Variants in AFDN observed in about 807,000 individuals in gnomAD.
The protein encoded by AFDN is afadin.
AFDN carries 68 observed loss-of-function variants against 216.6 expected under a neutral mutation model. That is an observed-to-expected ratio of 0.31 (90% CI 0.26 to 0.38). The LOEUF (loss-of-function observed/expected upper bound fraction) is 0.38. Ranked by LOEUF, AFDN falls within the 10% of genes least tolerant of loss-of-function variation. The pLI, the probability that AFDN is intolerant of heterozygous loss-of-function variation, is 1.00. For synonymous variants in AFDN, 868 were observed against 853.7 expected, an observed-to-expected ratio of 1.02 and a Z score of -0.29; for missense variants, 2,136 against 2,342.0, an observed-to-expected ratio of 0.91 and a Z score of 1.82.
At chr6:167,946,408 AT>A (rs1210722579) in intron 26 of AFDN, among the ~76,000 whole-genome samples, 1 of 152,036 alleles carries the variant, frequency 6.6e-6, no homozygotes, top group Non-Finnish European at 1.5e-5. Context: ...ATATATCTTT[AT>A]TGATTTTTTT....
At chr6:167,968,661 A>G (rs1418336997) in intron 32 of AFDN, 4 of 166,396 alleles carry the variant, frequency 2.4e-5, no homozygotes, top group South Asian at 1.6e-4. Flanking sequence ...GATTTTAACA[A>G]TATAACATTG....
intron 6 of AFDN, among the ~76,000 whole-genome samples, chr6:167,880,914 C>T (rs574256421): frequency 1.4e-3 from 217 of 152,112 alleles, no homozygotes; most frequent in African/African-American, 4.8e-3. Flanking sequence ...CAATTTTGTT[C>T]ATGATTTTAA....
chr6:167,958,056 A>G (rs1158720166), intron 30 of AFDN, among the ~76,000 whole-genome samples: 2 of 152,064 alleles, frequency 1.3e-5, no homozygotes, highest in Non-Finnish European at 2.9e-5. Flanking sequence ...CAAAATCCAA[A>G]ACTCTTTGAG....
intron 1 of AFDN, among the ~76,000 whole-genome samples, chr6:167,856,536 G>GT (rs1782916520): frequency 6.6e-6 from 1 of 152,100 alleles, no homozygotes; most frequent in Non-Finnish European, 1.5e-5. Flanking sequence ...ATTTACTATA[G>GT]TATTTGGCTA....
At chr6:167,904,140 C>T (rs116633079) in intron 12 of AFDN, among the ~76,000 whole-genome samples, 3 of 152,088 alleles carry the variant, frequency 2.0e-5, no homozygotes, top group Non-Finnish European at 4.4e-5. Context: ...AGTTTAAATA[C>T]CATCTAATGT....
Position 167,971,266 on chromosome 6 carries a change from T to C in AFDN, c.*1331T>C, listed in dbSNP as rs1798002258. 1 of 219,406 alleles carries C rather than the reference T, an allele frequency of 4.6e-6. No individual in the cohort carries two copies. Among genetic ancestry groups the C allele is most frequent in the Non-Finnish European group, 9.1e-6 (1 of 109,564 alleles). The allele number at this position is 219,406 out of a possible 1,614,324, so 13.6% of individuals were successfully genotyped here. A position where few individuals can be genotyped will look rare whatever the true frequency, so the allele number is the denominator to read the frequency against. On this transcript the variant is annotated 3_prime_UTR_variant, in exon 34 of 34. Coordinates refer to ENST00000683244, the MANE Select transcript of AFDN (RefSeq NM_001386888.1). ...TTCAAAGAGAATGTTCTCTTACACA[T>C]ACGTATGTTAGGAAAATAGACACAT...
At chr6:167,838,804 T>C (rs1163745886) in intron 1 of AFDN, among the ~76,000 whole-genome samples, 1 of 152,168 alleles carries the variant, frequency 6.6e-6, no homozygotes, top group African/African-American at 2.4e-5. Flanking sequence ...GTTAGGAATA[T>C]TTTTCTTTCA....
chr6:167,897,667 T>TTTTTTTA (rs1202747384), intron 10 of AFDN, among the ~76,000 whole-genome samples: 4 of 116,288 alleles, frequency 3.4e-5, no homozygotes, highest in Admixed American at 9.4e-5. Context: ...TTTTTTTTTT[T>TTTTTTTA]GAGACAGTCT....
At chr6:167,953,155 T>G (rs1176130733) in intron 30 of AFDN, among the ~76,000 whole-genome samples, 1 of 152,234 alleles carries the variant, frequency 6.6e-6, no homozygotes, top group Non-Finnish European at 1.5e-5. Context: ...TGCAATATTT[T>G]GAGAAAAGAT....
chr6:167,929,923 C>T (rs966593832), intron 23 of AFDN, among the ~76,000 whole-genome samples: 1 of 152,162 alleles, frequency 6.6e-6, no homozygotes, highest in African/African-American at 2.4e-5. Context: ...TTAACTTGGC[C>T]AGGCGCCATG....
intron 27 of AFDN, among the ~76,000 whole-genome samples, chr6:167,947,394 T>G (rs1003654545): frequency 6.6e-6 from 1 of 152,162 alleles, no homozygotes; most frequent in African/African-American, 2.4e-5. Context: ...TTAGCCAGGA[T>G]GGTCTCGATC....
In AFDN at chr6:167,827,224, G is replaced by C; in HGVS notation, c.92G>C (p.Ser31Thr). The change falls in exon 1 of 34, where the codon AGC (serine) becomes ACC (threonine). Residue 31 changes from serine to threonine, a missense_variant. Physicochemically the swap from Ser to Thr is moderately conservative, Grantham distance 58. This residue lies in a region of AFDN where 81 missense variants were observed against 51.2 expected (regional missense o/e 1.58). Coordinates refer to ENST00000683244, the MANE Select transcript of AFDN (RefSeq NM_001386888.1). The part of the protein sequence containing the change: ...NANRLDLFEI[S>T]QPTEDLEFHG... ...AACCGGCTGGACCTGTTCGAGATCAGCCAGCCGACCGAGGTGAGCACCGCC... is the reference window on the plus strand; with the variant it reads ...AACCGGCTGGACCTGTTCGAGATCACCCAGCCGACCGAGGTGAGCACCGCC... 1.3e-5 allele frequency: 16 copies of C among 1,220,466 alleles called. No individual in the cohort carries two copies. The highest frequency in any genetic ancestry group is 1.7e-5 in the Non-Finnish European group (16 of 948,198). The allele number at this position is 1,220,466 out of a possible 1,614,324, so 75.6% of individuals were successfully genotyped here. A position where few individuals can be genotyped will look rare whatever the true frequency, so the allele number is the denominator to read the frequency against.
intron 1 of AFDN, among the ~76,000 whole-genome samples, chr6:167,837,271 T>G (rs1325539253): frequency 6.6e-6 from 1 of 152,204 alleles, no homozygotes; most frequent in Non-Finnish European, 1.5e-5. Context: ...AATATTTGCT[T>G]CTTTCCATTA....
At chr6:167,932,805 G>A (rs893160914) in intron 23 of AFDN, 5 of 152,232 alleles carry the variant, frequency 3.3e-5, no homozygotes, top group African/African-American at 1.2e-4. Flanking sequence ...CGTGCTCACT[G>A]TGGTCTTGAA....
At position 167,943,969 on chromosome 6, in the gene AFDN, T is replaced by C; in HGVS notation, c.3268T>C (p.Ser1090Pro). The change falls in exon 26 of 34, where the codon TCT (serine) becomes CCT (proline). Residue 1090 changes from serine (S) to proline (P), a missense_variant. By Grantham distance (74) the Ser-to-Pro change is moderately conservative. Transcript: ENST00000683244. The part of the protein sequence containing the change: ...RAAELMTRTS[S>P]VVTLEVAKQG... The stretch of plus-strand genomic sequence containing the variant: ...GGCAGAACTCATGACAAGAACAAGC[T>C]CTGTGGTGACACTGGAAGTAGCAAA... 6.2e-7 allele frequency: 1 copy of C among 1,614,124 alleles called. No individual in the cohort carries two copies. The highest frequency in any genetic ancestry group is 8.5e-7 in the Non-Finnish European group (1 of 1,180,010).
chr6:167,951,704 G>T lies in AFDN; in HGVS notation c.4350G>T (p.Gln1450His). 6 of 1,614,122 alleles carry T rather than the reference G, an allele frequency of 3.7e-6. No individual in the cohort carries two copies. The highest frequency in any genetic ancestry group is 5.1e-6 in the Non-Finnish European group (6 of 1,179,998). Residue 1450 changes from glutamine (Q) to histidine (H), a missense_variant, in exon 30 of 34, where the codon CAG becomes CAT. Transcript: ENST00000683244. This position sits in a 1 kb window ranked among gnomAD's most constrained non-coding sequence, Gnocchi z 7.1. The stretch of plus-strand genomic sequence containing the variant: ...GAGAGCAGGAGAGGAAGTTGGGCCA[G>T]ATGCGCACTCAGTCCTTAAACCCTG... Reference protein sequence around the residue: ...KRREQERKLGQMRTQSLNPAP... With the variant: ...KRREQERKLGHMRTQSLNPAP...
Position 167,963,951 on chromosome 6 carries a change from G to A in AFDN, c.4968+1384G>A, listed in dbSNP as rs189922261. 2,054 of 1,064,346 alleles carry A rather than the reference G, an allele frequency of 1.9e-3. 1 individual carries two copies. The highest frequency in any genetic ancestry group is 2.2e-3 in the Non-Finnish European group (1,932 of 878,718). 65.9% of individuals were successfully genotyped at this position (1,064,346 alleles called of 1,614,324 possible). On this transcript the variant is annotated intron_variant, in intron 31 of 33. Transcript: ENST00000683244. ...AGTGCCAGCTTGGCTGTCCCAGGCC[G>A]TGCACAGTGCCCATTGCTATAGCTG...
At position 167,971,353 on chromosome 6, in the gene AFDN, TA is replaced by T. The variant is rs1798010496; in HGVS notation, c.*1419del. On this transcript the variant is annotated 3_prime_UTR_variant, in exon 34 of 34. Coordinates refer to ENST00000683244, the MANE Select transcript of AFDN (RefSeq NM_001386888.1). Reference sequence around the variant, plus strand: ...ATAGGCACACTTTCAAAGAGAGGTATAGGGGCTTTTTACTGCCTTCGAAATC... The same window carrying T: ...ATAGGCACACTTTCAAAGAGAGGTATGGGGCTTTTTACTGCCTTCGAAATC... 1 of 212,502 alleles carries T rather than the reference TA, an allele frequency of 4.7e-6. No individual in the cohort carries two copies. Among genetic ancestry groups the T allele is most frequent in the South Asian group, 1.9e-4 (1 of 5,360 alleles). The allele number at this position is 212,502 out of a possible 1,614,324, so 13.2% of individuals were successfully genotyped here.
intron 32 of AFDN, among the ~76,000 whole-genome samples, chr6:167,966,866 G>A (rs75123380): frequency 6.6e-6 from 1 of 152,178 alleles, no homozygotes; most frequent in Non-Finnish European, 1.5e-5. Context: ...CCCCGTTACA[G>A]GGAAATTCCT....
Sources: allele counts gnomAD v4.1 joint callset (sites outside exome capture counted in the v4.1 genomes callset), GRCh38; gene constraint gnomAD v4.1.1; regional missense constraint gnomAD v4.1.1; non-coding constraint Gnocchi (gnomAD v3.1); transcripts MANE v1.5; gene names NCBI Gene and HGNC (gene_info 2026-07-23, HGNC 2026-07-21).